RUNX1: variants seen among roughly 807,000 people sequenced by gnomAD.
The protein encoded by RUNX1 is RUNX family transcription factor 1.
A neutral mutation model predicts 42.8 loss-of-function variants in RUNX1; 19 were observed. The ratio of observed to expected loss-of-function variants is 0.44; its 90% CI spans 0.31 to 0.65. The LOEUF is 0.65. RUNX1 is among the 30% of genes least tolerant of loss of function. The probability of loss-of-function intolerance (pLI) is 0.07; values close to 1 mark genes in which losing one functional copy is unlikely to be tolerated. For synonymous variants in RUNX1, 271 were observed against 289.4 expected, an observed-to-expected ratio of 0.94 and a Z score of 0.64; for missense variants, 528 against 672.0, an observed-to-expected ratio of 0.79 and a Z score of 2.37.
Position 34,974,630 on chromosome 21 carries a change from A to G in RUNX1, c.58+74212T>C, listed in dbSNP as rs143272360. On this transcript the variant is annotated intron_variant, in intron 2 of 8. Transcript: ENST00000675419. The stretch of plus-strand genomic sequence containing the variant: ...CATGAAATGTGGTGTAGATGAAGAC[A>G]GCACCAGCTTTGTGATGCCAACTCC... Among the ~76,000 whole-genome samples, 683 of 151,876 alleles carry G rather than the reference A, an allele frequency of 4.5e-3. 7 individuals carry two copies. Among genetic ancestry groups the G allele is most frequent in the African/African-American group, 0.016 (658 of 41,386 alleles).
intron 5 of RUNX1, among the ~76,000 whole-genome samples, chr21:34,867,015 G>A (rs1424672515): frequency 6.6e-6 from 1 of 152,192 alleles, no homozygotes; most frequent in East Asian, 1.9e-4. Context: ...ATTTTCTCTG[G>A]AGATGTTCTA....
intron 2 of RUNX1, among the ~76,000 whole-genome samples, chr21:34,999,266 C>T (rs139121838): frequency 1.3e-5 from 2 of 152,314 alleles, no homozygotes; most frequent in Non-Finnish European, 2.9e-5. Flanking sequence ...CCAGGCCTGC[C>T]CCAGCATAAC....
At chr21:34,798,178 G>C in intron 8 of RUNX1, 1 of 454,884 alleles carries the variant, frequency 2.2e-6, no homozygotes. Flanking sequence ...GCTATAATTT[G>C]ATCCCAAGAG....
rs368294941 is a variant in RUNX1 at position 34,799,332 on chromosome 21, G to A, written c.936C>T (p.Thr312=). The change falls in exon 8 of 9, where the codon ACC becomes ACT. Residue 312 remains threonine (T), a synonymous_variant. Coordinates refer to ENST00000675419, the MANE Select transcript of RUNX1 (RefSeq NM_001754.5). ...ISPGRASGMT[T]LSAELSSRLS... ...GTCGACTGGAAAGTTCTGCAGAGAG[G>A]GTTGTCATGCCGCTGGCACGTCCAG... The A allele has an allele frequency of 1.5e-5, 25 of 1,614,206 alleles. No homozygotes were observed. The African/African-American group carries it at 2.0e-4, about 13-fold the overall frequency.
intron 2 of RUNX1, among the ~76,000 whole-genome samples, chr21:34,959,937 G>C (rs1307666533): frequency 1.3e-5 from 2 of 152,150 alleles, no homozygotes; most frequent in Non-Finnish European, 1.5e-5. Context: ...TGGATGAGGA[G>C]GGGAGCACCA....
At chr21:34,859,090 C>T (rs2057534421) in intron 6 of RUNX1, among the ~76,000 whole-genome samples, 1 of 152,170 alleles carries the variant, frequency 6.6e-6, no homozygotes. Flanking sequence ...CCTTGTGGTC[C>T]ACTCTGACCC....
intron 2 of RUNX1, among the ~76,000 whole-genome samples, chr21:34,898,885 A>G (rs2834661): frequency 0.025 from 3,774 of 152,214 alleles, 152 homozygotes; most frequent in African/African-American, 0.086. Flanking sequence ...CTGCACTCAG[A>G]GTTGGAGGAT....
At chr21:34,799,504 G>A (rs1396363214) in intron 7 of RUNX1, 42 bp from the exon 8 acceptor site, 1 of 1,580,618 alleles carries the variant, frequency 6.3e-7, no homozygotes, top group Non-Finnish European at 8.7e-7. Flanking sequence ...AAAGTGGGGT[G>A]GGATTTAAAA....
At chr21:35,047,555 ACACACACTCTCTCT>A (rs1388881749) in intron 2 of RUNX1, among the ~76,000 whole-genome samples, 170 of 84,266 alleles carry the variant, frequency 2.0e-3, no homozygotes, top group African/African-American at 9.8e-3. Flanking sequence ...ACACACACAC[ACACACACTCTCTCT>A]CTCTCTCTCT....
chr21:35,044,132 T>G (rs1461751049), intron 2 of RUNX1, among the ~76,000 whole-genome samples: 2 of 152,234 alleles, frequency 1.3e-5, no homozygotes, highest in African/African-American at 4.8e-5. Flanking sequence ...AAGGCTGACC[T>G]GCTGGTGAAA....
At position 34,872,442 on chromosome 21, in the gene RUNX1, G is replaced by A. The variant is rs573546976; in HGVS notation, c.508+8115C>T. Among the ~76,000 whole-genome samples the A allele has an allele frequency of 1.5e-4, 23 of 152,304 alleles. No homozygotes were observed. In the East Asian group the frequency reaches 3.1e-3, roughly 20 times the overall value. On this transcript the variant is annotated intron_variant, in intron 5 of 8. Coordinates refer to ENST00000675419, the MANE Select transcript of RUNX1 (RefSeq NM_001754.5). ...CAGGATAGCAGGCAGGGTCAGTGGC[G>A]CCAGGGGGATGGTGCAATTCTATGC...
rs570119071 is a variant in RUNX1, at chr21:34,797,572, C to T, written c.967+1729G>A. On this transcript the variant is annotated intron_variant, in intron 8 of 8. Coordinates refer to ENST00000675419, the MANE Select transcript of RUNX1 (RefSeq NM_001754.5). ...CATTATTTCAGGTGAAGACCGTAGC[C>T]GGTGTGCAGAGGGGTGCCCTGAGAA... Among the ~76,000 whole-genome samples, 78 of 152,236 alleles carry T rather than the reference C, an allele frequency of 5.1e-4. 1 individual carries two copies. In the South Asian group the frequency reaches 7.9e-3, roughly 15 times the overall value.
At chr21:34,827,340 T>C (rs1208337935) in intron 7 of RUNX1, among the ~76,000 whole-genome samples, 2 of 152,180 alleles carry the variant, frequency 1.3e-5, no homozygotes, top group Non-Finnish European at 2.9e-5. Flanking sequence ...AAAGAATGAC[T>C]TAAAGATGAA....
chr21:34,955,699 T>C (rs1003059235), intron 2 of RUNX1, among the ~76,000 whole-genome samples: 4 of 152,284 alleles, frequency 2.6e-5, no homozygotes, highest in East Asian at 1.9e-4. Flanking sequence ...TTTTTAAGCA[T>C]TGATGGAAAT....
intron 2 of RUNX1, among the ~76,000 whole-genome samples, chr21:34,954,737 A>G (rs1191590819): frequency 3.3e-5 from 5 of 152,182 alleles, no homozygotes; most frequent in Non-Finnish European, 7.3e-5. Context: ...TGCCATAGCT[A>G]CAAGGTGGGA....
intron 3 of RUNX1, 155 bp from the exon 4 acceptor site, chr21:34,887,251 G>A: frequency 5.3e-6 from 5 of 944,062 alleles, no homozygotes; most frequent in African/African-American, 1.8e-5. Flanking sequence ...GTGGGGGGGG[G>A]CGGGGGTGGT....
At chr21:34,880,323 C>A (rs1243950089) in intron 5 of RUNX1, among the ~76,000 whole-genome samples, 1 of 152,114 alleles carries the variant, frequency 6.6e-6, no homozygotes, top group Non-Finnish European at 1.5e-5. Flanking sequence ...ACAATTCCTA[C>A]GTTGCATGTT....
chr21:34,902,962 G>C (rs979017106), intron 2 of RUNX1, among the ~76,000 whole-genome samples: 2 of 152,210 alleles, frequency 1.3e-5, no homozygotes, highest in Non-Finnish European at 2.9e-5. Context: ...GAATCAACTA[G>C]AGATAGGACA....
rs578212036 is a variant in RUNX1, at chr21:34,807,445, A to G, written c.806-7983T>C. Among the ~76,000 whole-genome samples, 12 of 152,292 alleles carry G rather than the reference A, an allele frequency of 7.9e-5. 1 individual carries two copies. The South Asian group carries it at 2.3e-3, about 29-fold the overall frequency. On this transcript the variant is annotated intron_variant, in intron 7 of 8. Coordinates refer to ENST00000675419, the MANE Select transcript of RUNX1 (RefSeq NM_001754.5). ...GCCAGGTCTTTCAGTCATCTCTCAG[A>G]GCTATTTAAAAATAAAAGTCACATA...
Sources: gnomAD v4.1 joint callset for allele counts (sites outside exome capture counted in the v4.1 genomes callset) on GRCh38, gnomAD v4.1.1 for gene constraint, MANE v1.5 for transcripts, NCBI Gene and HGNC (gene_info 2026-07-23, HGNC 2026-07-21) for gene names.